RNF150: variants seen among roughly 807,000 people sequenced by gnomAD.
The protein encoded by RNF150 is ring finger protein 150.
A neutral mutation model predicts 39.3 loss-of-function variants in RNF150; 24 were observed. That is an observed-to-expected ratio of 0.61 (90% CI 0.44 to 0.86). The LOEUF (loss-of-function observed/expected upper bound fraction) is 0.86, where lower values mean the gene tolerates loss of function less well. RNF150 is among the 40% of genes least tolerant of loss of function. RNF150 has a pLI of 0.00. For synonymous variants in RNF150, 255 were observed against 227.3 expected (o/e 1.12, Z -1.10); for missense variants, 502 against 587.8 (o/e 0.85, Z 1.51).
At chr4:140,984,667 C>G (rs1032926664) in intron 1 of RNF150, among the ~76,000 whole-genome samples, 1 of 152,116 alleles carries the variant, frequency 6.6e-6, no homozygotes, top group Non-Finnish European at 1.5e-5. Context: ...ATTGCCAGCA[C>G]CTGTATTTCT....
chr4:141,139,018 C>T (rs546186616), intron 1 of RNF150, among the ~76,000 whole-genome samples: 2 of 152,104 alleles, frequency 1.3e-5, no homozygotes, highest in African/African-American at 4.8e-5. Flanking sequence ...CAGCCTTAGG[C>T]GACATAGGGA....
In RNF150 at chr4:140,871,213, G is replaced by A. The variant is rs565725245; in HGVS notation, c.1199-2834C>T. On this transcript the variant is annotated intron_variant, in intron 6 of 6. Transcript: ENST00000515673. ...TGCATTAGAGTCCTTTCCAGTTGTT[G>A]TTTATGCATGTTTATGTGTTGATGC... Among the ~76,000 whole-genome samples the A allele has an allele frequency of 6.6e-5, 10 of 152,116 alleles. No homozygotes were observed. In the South Asian group the frequency reaches 2.1e-3, roughly 32 times the overall value.
At chr4:141,046,767 T>A (rs1054958138) in intron 1 of RNF150, among the ~76,000 whole-genome samples, 1 of 152,168 alleles carries the variant, frequency 6.6e-6, no homozygotes, top group Non-Finnish European at 1.5e-5. Flanking sequence ...GCCTCCCTCA[T>A]ACGATCTCAC....
At chr4:141,061,368 T>A (rs573198091) in intron 1 of RNF150, among the ~76,000 whole-genome samples, 12 of 152,158 alleles carry the variant, frequency 7.9e-5, no homozygotes, top group Non-Finnish European at 2.9e-5. Flanking sequence ...AAATAAAATA[T>A]ACTCTTTAAA....
intron 1 of RNF150, among the ~76,000 whole-genome samples, chr4:141,030,280 T>TA (rs1279620508): frequency 4.9e-5 from 3 of 61,612 alleles, no homozygotes; most frequent in African/African-American, 1.0e-4. Context: ...ATAATGGCTA[T>TA]CAAAAAAAAA....
intron 2 of RNF150, 114 bp from the exon 3 acceptor site, chr4:140,949,486 G>T: frequency 1.2e-6 from 1 of 842,408 alleles, no homozygotes; most frequent in South Asian, 1.7e-5. Context: ...CATGTGGTAT[G>T]AATGCTAGCA....
intron 5 of RNF150, among the ~76,000 whole-genome samples, chr4:140,915,421 C>T (rs1560963890): frequency 6.6e-6 from 1 of 152,264 alleles, no homozygotes; most frequent in East Asian, 1.9e-4. Flanking sequence ...TGCTACCCAA[C>T]GGTAGAAGGA....
In RNF150 at chr4:141,157,221, C is replaced by A. The variant is rs576892427; in HGVS notation, c.-6+55573G>T. Among the ~76,000 whole-genome samples, 15 of 152,228 alleles carry A rather than the reference C, an allele frequency of 9.9e-5. No homozygotes were observed. The South Asian group carries it at 2.3e-3, about 23-fold the overall frequency. On this transcript the variant is annotated intron_variant, in intron 1 of 7. Coordinates refer to the RNF150 transcript ENST00000420921. The stretch of plus-strand genomic sequence containing the variant: ...GTGTCACGTGCACAATATCTCCCCC[C>A]CCAAAAATGTAGGGGTGTGTCACAT...
At chr4:140,926,266 C>T (rs1578974388) in intron 4 of RNF150, among the ~76,000 whole-genome samples, 193 bp from the exon 5 acceptor site, 2 of 152,132 alleles carry the variant, frequency 1.3e-5, no homozygotes, top group African/African-American at 4.8e-5. Flanking sequence ...CTGTCTGGAT[C>T]CCAAGACTGT....
At chr4:140,998,488 G>A (rs577514844) in intron 1 of RNF150, among the ~76,000 whole-genome samples, 4 of 152,290 alleles carry the variant, frequency 2.6e-5, no homozygotes, top group Admixed American at 1.3e-4. Flanking sequence ...CTCTAAAGCT[G>A]TGAGAAAATA....
chr4:141,090,331 CTAAGCT>C (rs1282165461), intron 1 of RNF150, among the ~76,000 whole-genome samples: 1 of 152,024 alleles, frequency 6.6e-6, no homozygotes, highest in African/African-American at 2.4e-5. Flanking sequence ...TGTAGTGCAC[CTAAGCT>C]TAAGACTAAT....
intron 6 of RNF150, among the ~76,000 whole-genome samples, chr4:140,904,523 A>G (rs1344380600): frequency 6.6e-6 from 1 of 152,246 alleles, no homozygotes. Flanking sequence ...ATGCAAATCA[A>G]AAAAGCAGAC....
chr4:141,100,727 T>C (rs182985174), intron 1 of RNF150, among the ~76,000 whole-genome samples: 1 of 152,192 alleles, frequency 6.6e-6, no homozygotes, highest in Non-Finnish European at 1.5e-5. Flanking sequence ...AATTTCATCA[T>C]TGTGGAAACA....
rs1271751273 is a variant in RNF150, at chr4:141,000,004, A to C, written c.485-32131T>G. Among the ~76,000 whole-genome samples the C allele has an allele frequency of 8.5e-4, 29 of 33,976 alleles. 1 individual carries two copies. The East Asian group carries it at 0.013, about 15-fold the overall frequency. The allele number at this position is 33,976 out of a possible 152,430, so 22.3% of individuals were successfully genotyped here. ...AGAAGAAAAGAAGAAAAGAAGAAGA[A>C]GAAGAAGAAGAAGAAGAAGAAGAAG... On this transcript the variant is annotated intron_variant, in intron 1 of 6. Transcript: ENST00000515673.
At chr4:141,108,637 T>C (rs1021193053) in intron 1 of RNF150, among the ~76,000 whole-genome samples, 6 of 152,222 alleles carry the variant, frequency 3.9e-5, no homozygotes, top group African/African-American at 7.2e-5. Flanking sequence ...TCTGTGTACA[T>C]AAAATATTGT....
intron 1 of RNF150, among the ~76,000 whole-genome samples, chr4:141,205,578 G>A (rs1315024095): frequency 1.3e-5 from 2 of 152,250 alleles, no homozygotes; most frequent in Admixed American, 6.5e-5. Flanking sequence ...TCCAGGGTTT[G>A]TTCATGAGTG....
At chr4:141,115,004 G>A (rs1246724414) in intron 1 of RNF150, among the ~76,000 whole-genome samples, 1 of 152,064 alleles carries the variant, frequency 6.6e-6, no homozygotes, top group Non-Finnish European at 1.5e-5. Context: ...AAAATAATAA[G>A]AGCTATTTAT....
At chr4:140,933,136 G>C (rs1731715659) in intron 4 of RNF150, among the ~76,000 whole-genome samples, 1 of 152,120 alleles carries the variant, frequency 6.6e-6, no homozygotes, top group Non-Finnish European at 1.5e-5. Context: ...AAATGATGTT[G>C]GTACAACATG....
intron 1 of RNF150, among the ~76,000 whole-genome samples, chr4:141,162,065 A>C (rs1727522149): frequency 1.3e-5 from 2 of 152,198 alleles, no homozygotes; most frequent in South Asian, 4.1e-4. Flanking sequence ...CAGGCCCCAG[A>C]ATGGTAGAGC....
Sources: allele counts gnomAD v4.1 joint callset (sites outside exome capture counted in the v4.1 genomes callset), GRCh38; gene constraint gnomAD v4.1.1; transcripts MANE v1.5; gene names NCBI Gene and HGNC (gene_info 2026-07-23, HGNC 2026-07-21).